UGT1A6: variants seen among roughly 807,000 people sequenced by gnomAD.
The protein encoded by UGT1A6 is UDP-glucuronosyltransferase 1A6.
A neutral mutation model predicts 44.4 loss-of-function variants in UGT1A6; 32 were observed. The observed-to-expected ratio is 0.72, with a 90% CI of 0.54 to 0.97. The LOEUF (loss-of-function observed/expected upper bound fraction) is 0.97, where lower values mean the gene tolerates loss of function less well. Among genes scored for constraint, UGT1A6 ranks in the 50% least tolerant of loss-of-function variants. The pLI is 0.00. For missense variants in UGT1A6, 685 were observed against 661.9 expected, an observed-to-expected ratio of 1.03 and a Z score of -0.38; for synonymous variants, 238 against 248.5, an observed-to-expected ratio of 0.96 and a Z score of 0.40.
At chr2:233,728,098 T>G (rs1183146949) in intron 1 of UGT1A6, among the ~76,000 whole-genome samples, 2 of 152,208 alleles carry the variant, frequency 1.3e-5, no homozygotes, top group East Asian at 3.9e-4. Context: ...GAAAGGCACA[T>G]ATTTAATTCT....
intron 1 of UGT1A6, among the ~76,000 whole-genome samples, chr2:233,728,457 A>G (rs1261555975): frequency 6.6e-6 from 1 of 152,148 alleles, no homozygotes; most frequent in African/African-American, 2.4e-5. Context: ...TCCTCAACAA[A>G]GTCTTCCCAA....
At chr2:233,713,812 T>C (rs1478961341) in intron 1 of UGT1A6, 1 of 1,613,968 alleles carries the variant, frequency 6.2e-7, no homozygotes, top group Non-Finnish European at 8.5e-7. Flanking sequence ...CCCAACATGG[T>C]CTTCATTGGG....
intron 1 of UGT1A6, among the ~76,000 whole-genome samples, chr2:233,748,852 G>A (rs1236663773): frequency 6.6e-6 from 1 of 151,452 alleles, no homozygotes; most frequent in Non-Finnish European, 1.5e-5. Flanking sequence ...GAGCGTATAA[G>A]CCCAGTTAAG....
chr2:233,703,342 T>C (rs1204412356), intron 1 of UGT1A6, among the ~76,000 whole-genome samples: 1 of 152,166 alleles, frequency 6.6e-6, no homozygotes, highest in Non-Finnish European at 1.5e-5. Flanking sequence ...CTCTCTTTTT[T>C]CTTTGTTAAT....
chr2:233,754,982 G>A (rs777457239), intron 1 of UGT1A6: 2 of 1,295,872 alleles, frequency 1.5e-6, no homozygotes, highest in African/African-American at 3.0e-5. Flanking sequence ...AGACCTCGGC[G>A]GGGTCACGGA....
rs17868341 is a variant in UGT1A6 at position 233,761,240 on chromosome 2, C to T, written c.862-5794C>T. ...TAACTAGCCCCAGATATATGCTGAG[C>T]AAGCATTCTGAGATAATTTAAAATG... is the stretch of plus-strand genomic sequence containing the variant. On this transcript the variant is annotated intron_variant, in intron 1 of 4. Coordinates refer to ENST00000305139, the MANE Select transcript of UGT1A6 (RefSeq NM_001072.4). 0.052 allele frequency: 84,282 copies of T among 1,611,682 alleles called. 2,670 individuals carry two copies. The highest frequency in any genetic ancestry group is 0.063 in the Non-Finnish European group (74,222 of 1,178,902).
intron 1 of UGT1A6, chr2:233,713,901 C>T (rs1232618327): frequency 1.9e-6 from 3 of 1,612,940 alleles, no homozygotes; most frequent in East Asian, 2.2e-5. Flanking sequence ...CCAGGCAAAA[C>T]ACTTTTTAAA....
intron 2 of UGT1A6, 65 bp downstream of exon 2, chr2:233,767,230 G>C: frequency 2.5e-6 from 4 of 1,610,018 alleles, no homozygotes; most frequent in South Asian, 2.2e-5. Context: ...CAGACTTCCA[G>C]CTTCCAGATT....
intron 1 of UGT1A6, chr2:233,743,523 T>A (rs1440722806): frequency 7.3e-7 from 1 of 1,367,212 alleles, no homozygotes; most frequent in Non-Finnish European, 9.8e-7. Context: ...TGCTTCTGCT[T>A]CCCCAGCAGT....
intron 1 of UGT1A6, among the ~76,000 whole-genome samples, chr2:233,726,112 G>A (rs1457987990): frequency 6.6e-6 from 1 of 152,176 alleles, no homozygotes; most frequent in Non-Finnish European, 1.5e-5. Flanking sequence ...GCTGCAGTGT[G>A]CCATGTTCAC....
chr2:233,754,555 A>T (rs1416104293), intron 1 of UGT1A6: 3 of 389,270 alleles, frequency 7.7e-6, no homozygotes, highest in Non-Finnish European at 1.5e-5. Context: ...CTTGGTGTCA[A>T]TGGGGAGCAA....
intron 1 of UGT1A6, chr2:233,729,935 T>A (rs2077953750): frequency 6.2e-7 from 1 of 1,613,974 alleles, no homozygotes; most frequent in African/African-American, 1.3e-5. Context: ...AGGCCAATCA[T>A]GCCCAACATG....
chr2:233,742,362 A>G (rs536204491), intron 1 of UGT1A6, among the ~76,000 whole-genome samples: 1 of 152,110 alleles, frequency 6.6e-6, no homozygotes, highest in South Asian at 2.1e-4. Context: ...TGCAGCAGAA[A>G]CATGTCCTTA....
At chr2:233,754,136 G>C in intron 1 of UGT1A6, among the ~76,000 whole-genome samples, 1 of 152,154 alleles carries the variant, frequency 6.6e-6, no homozygotes, top group Non-Finnish European at 1.5e-5. Flanking sequence ...GCAATTAAAA[G>C]CCATCATTAA....
At chr2:233,697,826 A>G (rs2125573469) in intron 1 of UGT1A6, among the ~76,000 whole-genome samples, 1 of 152,286 alleles carries the variant, frequency 6.6e-6, no homozygotes, top group South Asian at 2.1e-4. Context: ...TTTCAAGAAA[A>G]TCTAATTAAG....
intron 1 of UGT1A6, among the ~76,000 whole-genome samples, chr2:233,705,526 C>T (rs1004849017): frequency 6.6e-6 from 1 of 152,084 alleles, no homozygotes; most frequent in Admixed American, 6.6e-5. Context: ...GGGAGATTAC[C>T]TTCAGCTGTG....
chr2:233,760,736 C>G lies in UGT1A6; in HGVS notation c.862-6298C>G, dbSNP rs371418452. 6 of 1,614,160 alleles carry G rather than the reference C, an allele frequency of 3.7e-6. No homozygotes were observed. Among genetic ancestry groups the G allele is most frequent in the Non-Finnish European group, 5.1e-6 (6 of 1,180,028 alleles). Reference sequence around the variant, plus strand: ...GAAAGCAGCTTTGATGTCATGCTGACGGACCCTTTCCTTCCTTGCAGCCCC... The same window carrying G: ...GAAAGCAGCTTTGATGTCATGCTGAGGGACCCTTTCCTTCCTTGCAGCCCC... On this transcript the variant is annotated intron_variant, in intron 1 of 4. Coordinates refer to ENST00000305139, the MANE Select transcript of UGT1A6 (RefSeq NM_001072.4).
intron 1 of UGT1A6, among the ~76,000 whole-genome samples, chr2:233,696,738 T>C (rs1269588837): frequency 6.6e-6 from 1 of 152,214 alleles, no homozygotes; most frequent in East Asian, 1.9e-4. Context: ...TTTACCCTTT[T>C]CAGTATGATG....
intron 1 of UGT1A6, among the ~76,000 whole-genome samples, chr2:233,697,448 C>G (rs780047517): frequency 9.4e-5 from 14 of 149,256 alleles, no homozygotes; most frequent in Admixed American, 3.3e-4. Context: ...CTGATTTTAT[C>G]TGAGTGTTTT....
Sources: gnomAD v4.1 joint callset for allele counts (sites outside exome capture counted in the v4.1 genomes callset) on GRCh38, gnomAD v4.1.1 for gene constraint, MANE v1.5 for transcripts, NCBI Gene and HGNC (gene_info 2026-07-23, HGNC 2026-07-21) for gene names.